The following GRIK2 variants were observed in gnomAD, a reference collection of about 807,000 sequenced individuals.
The protein encoded by GRIK2 is glutamate ionotropic receptor kainate type subunit 2, also known as glutamate receptor ionotropic, kainate 2.
In GRIK2, 32 loss-of-function variants were observed where a neutral mutation model predicts 100.3. The ratio of observed to expected loss-of-function variants is 0.32; its 90% CI spans 0.24 to 0.43. GRIK2 has a LOEUF of 0.43. Among genes scored for constraint, GRIK2 ranks in the 20% least tolerant of loss-of-function variants. The pLI is 1.00. For synonymous variants in GRIK2, 417 were observed against 389.4 expected (o/e 1.07, Z -0.83); for missense variants, 843 against 1,114.9 (o/e 0.76, Z 3.47).
intron 2 of GRIK2, among the ~76,000 whole-genome samples, chr6:101,424,347 G>T (rs1776582291): frequency 6.7e-6 from 1 of 148,974 alleles, no homozygotes; most frequent in Admixed American, 6.8e-5. Flanking sequence ...AGGCCCTGAT[G>T]TGTGATGTTC....
chr6:101,788,889 T>G (rs1196781929), intron 7 of GRIK2, among the ~76,000 whole-genome samples: 8 of 152,192 alleles, frequency 5.3e-5, no homozygotes, highest in Non-Finnish European at 1.0e-4. Flanking sequence ...CCTGACTGTT[T>G]AATGATTGCC....
rs187794125 is a variant in GRIK2, at chr6:101,546,592, A to G, written c.116-75357A>G. ...TTCTATGCCCTAGTTTCAGAGGATA[A>G]CAATAGTTCTTACCACACAAGAGTG... On this transcript the variant is annotated intron_variant, in intron 2 of 16. Transcript: ENST00000369134. 1.2e-3 allele frequency among the ~76,000 whole-genome samples: 188 copies of G among 152,262 alleles called. 3 individuals are homozygous for G. Among genetic ancestry groups the G allele is most frequent in the Admixed American group, 0.012 (181 of 15,288 alleles).
At chr6:101,998,575 A>T (rs761191156) in intron 14 of GRIK2, among the ~76,000 whole-genome samples, 5 of 151,990 alleles carry the variant, frequency 3.3e-5, no homozygotes, top group Non-Finnish European at 7.4e-5. Context: ...ATTTCCTGCT[A>T]TATTTTCTTC....
intron 15 of GRIK2, among the ~76,000 whole-genome samples, chr6:102,043,081 A>ATCTT (rs1156915442): frequency 6.6e-6 from 1 of 151,640 alleles, no homozygotes; most frequent in Non-Finnish European, 1.5e-5. Context: ...TCCCTTTATG[A>ATCTT]TCTTAGGTAC....
intron 9 of GRIK2, 121 bp downstream of exon 9, chr6:101,802,559 A>G: frequency 2.3e-6 from 1 of 426,844 alleles, no homozygotes; most frequent in Non-Finnish European, 4.2e-6. Flanking sequence ...TCTAAAAATA[A>G]ATAGTTAATT....
At chr6:101,905,676 C>T (rs1018822104) in intron 12 of GRIK2, among the ~76,000 whole-genome samples, 1 of 151,280 alleles carries the variant, frequency 6.6e-6, no homozygotes, top group Non-Finnish European at 1.5e-5. Flanking sequence ...TTTATTACTA[C>T]TACATCTATC....
intron 5 of GRIK2, among the ~76,000 whole-genome samples, chr6:101,679,077 T>G (rs1771052690): frequency 6.6e-6 from 1 of 152,076 alleles, no homozygotes; most frequent in Non-Finnish European, 1.5e-5. Flanking sequence ...TCCTCTGAAG[T>G]AAAACCTCAC....
chr6:101,622,898 T>A (rs926951983), intron 3 of GRIK2, among the ~76,000 whole-genome samples: 5 of 152,092 alleles, frequency 3.3e-5, no homozygotes, highest in Non-Finnish European at 7.4e-5. Context: ...GTTTGAGAGG[T>A]GCTTCTATAG....
chr6:101,655,199 G>C (rs1213033492), intron 4 of GRIK2, among the ~76,000 whole-genome samples: 1 of 152,156 alleles, frequency 6.6e-6, no homozygotes, highest in Non-Finnish European at 1.5e-5. Flanking sequence ...TAAATCACAT[G>C]TGTAAATGTG....
intron 2 of GRIK2, among the ~76,000 whole-genome samples, chr6:101,502,096 A>G (rs573045703): frequency 4.3e-4 from 65 of 152,292 alleles, no homozygotes; most frequent in African/African-American, 1.5e-3. Context: ...ATAATAACTG[A>G]TACAATAAGG....
chr6:101,553,195 G>A (rs1019484315), intron 2 of GRIK2, among the ~76,000 whole-genome samples: 4 of 152,114 alleles, frequency 2.6e-5, no homozygotes, highest in African/African-American at 9.7e-5. Flanking sequence ...GAATATTATA[G>A]GTTTAATATG....
At chr6:101,834,445 G>C in intron 10 of GRIK2, among the ~76,000 whole-genome samples, 1 of 151,644 alleles carries the variant, frequency 6.6e-6, no homozygotes, top group Non-Finnish European at 1.5e-5. Flanking sequence ...ATTTATTTAT[G>C]TTGATTTTAA....
At chr6:101,592,825 G>A (rs1351714041) in intron 2 of GRIK2, among the ~76,000 whole-genome samples, 1 of 151,186 alleles carries the variant, frequency 6.6e-6, no homozygotes, top group Non-Finnish European at 1.5e-5. Flanking sequence ...ATTGAGAGAT[G>A]AGAAAATGAC....
At chr6:101,964,201 A>G (rs1156262855) in intron 14 of GRIK2, among the ~76,000 whole-genome samples, 1 of 151,218 alleles carries the variant, frequency 6.6e-6, no homozygotes, top group Non-Finnish European at 1.5e-5. Context: ...ATAACATCAT[A>G]TATAAGATTA....
chr6:101,836,342 A>G (rs1181999459), intron 10 of GRIK2, among the ~76,000 whole-genome samples: 1 of 152,078 alleles, frequency 6.6e-6, no homozygotes, highest in African/African-American at 2.4e-5. Context: ...TTCGTCACAT[A>G]TGACTATTAA....
intron 4 of GRIK2, among the ~76,000 whole-genome samples, chr6:101,651,004 C>CTTTTTTTTTTT (rs3056156): frequency 8.4e-6 from 1 of 119,522 alleles, no homozygotes; most frequent in African/African-American, 3.0e-5. Context: ...CTTTCTTTTT[C>CTTTTTTTTTTT]TTTTTTTTTT....
intron 2 of GRIK2, among the ~76,000 whole-genome samples, chr6:101,444,448 A>G (rs2518246): frequency 0.61 from 92,642 of 151,946 alleles, 28,670 homozygotes; most frequent in East Asian, 0.92. Context: ...TAAAAATACT[A>G]TTTGTAAAAT....
At chr6:102,006,803 T>A (rs1356228329) in intron 14 of GRIK2, among the ~76,000 whole-genome samples, 1 of 152,086 alleles carries the variant, frequency 6.6e-6, no homozygotes, top group African/African-American at 2.4e-5. Context: ...CAAGTTCTAA[T>A]ATAATAAAAT....
chr6:101,757,277 A>T (rs55888105), intron 7 of GRIK2, among the ~76,000 whole-genome samples: 8,219 of 152,238 alleles, frequency 0.054, 737 homozygotes, highest in African/African-American at 0.19. Context: ...ATCAATTAAT[A>T]TTTATACAGT....
Sources: allele counts gnomAD v4.1 joint callset (sites outside exome capture counted in the v4.1 genomes callset), GRCh38; gene constraint gnomAD v4.1.1; transcripts MANE v1.5; gene names NCBI Gene and HGNC (gene_info 2026-07-23, HGNC 2026-07-21).